Variants in OTUD7A observed in about 807,000 individuals in gnomAD.
The protein encoded by OTUD7A is OTU deubiquitinase 7A, also known as OTU domain-containing protein 7A.
OTUD7A carries 12 observed loss-of-function variants against 65.7 expected under a neutral mutation model. The observed-to-expected ratio is 0.18, with a 90% confidence interval of 0.12 to 0.30. OTUD7A has a LOEUF of 0.30. Among genes scored for constraint, OTUD7A ranks in the 10% least tolerant of loss-of-function variants. OTUD7A has a pLI of 1.00. For missense variants in OTUD7A, 1,148 were observed against 1,304.8 expected, an observed-to-expected ratio of 0.88 and a Z score of 1.85; for synonymous variants, 641 against 586.3, an observed-to-expected ratio of 1.09 and a Z score of -1.35.
chr15:31,630,392 T>G, intron 3 of OTUD7A, among the ~76,000 whole-genome samples: 1 of 152,194 alleles, frequency 6.6e-6, no homozygotes, highest in Admixed American at 6.5e-5. Context: ...TTCCATGTAG[T>G]TGAGTGGTTT....
chr15:31,687,591 T>G (rs1419503195), intron 1 of OTUD7A, among the ~76,000 whole-genome samples: 1 of 152,136 alleles, frequency 6.6e-6, no homozygotes, highest in Non-Finnish European at 1.5e-5. Flanking sequence ...TGAGGAGAAA[T>G]GTTTGCTCGC....
At chr15:31,515,687 GTCCATCCA>G (rs574581148) in intron 8 of OTUD7A, among the ~76,000 whole-genome samples, 4 of 130,834 alleles carry the variant, frequency 3.1e-5, no homozygotes, top group Non-Finnish European at 4.7e-5. Flanking sequence ...CCATCCACTT[GTCCATCCA>G]TCCATCCATC....
chr15:31,835,427 A>G (rs1392382272), intron 1 of OTUD7A, among the ~76,000 whole-genome samples: 3 of 152,206 alleles, frequency 2.0e-5, no homozygotes, highest in Non-Finnish European at 4.4e-5. Flanking sequence ...GACCTTCCAA[A>G]AACCATCTTT....
At chr15:31,645,730 C>A (rs1891642275) in intron 3 of OTUD7A, among the ~76,000 whole-genome samples, 1 of 152,204 alleles carries the variant, frequency 6.6e-6, no homozygotes, top group African/African-American at 2.4e-5. Context: ...TACATTATCA[C>A]TGTTTGACAG....
intron 1 of OTUD7A, among the ~76,000 whole-genome samples, chr15:31,802,229 C>T (rs182794596): frequency 6.6e-6 from 1 of 151,716 alleles, no homozygotes; most frequent in Admixed American, 6.6e-5. Flanking sequence ...GGCTGTGGGG[C>T]AAGGAGAGCC....
At chr15:31,813,197 G>A (rs557846734) in intron 1 of OTUD7A, among the ~76,000 whole-genome samples, 1 of 152,216 alleles carries the variant, frequency 6.6e-6, no homozygotes, top group Admixed American at 6.5e-5. Flanking sequence ...AGCACGTGCA[G>A]GTATACGCAT....
At position 31,481,455 on chromosome 15, in the gene OTUD7A, CTGAG is replaced by C. The variant is rs2041117953; in HGVS notation, c.*1835_*1838del. 1 of 152,174 alleles carries C rather than the reference CTGAG, an allele frequency of 6.6e-6. No homozygotes were observed. Among genetic ancestry groups the C allele is most frequent in the South Asian group, 2.1e-4 (1 of 4,828 alleles). 9.4% of individuals were successfully genotyped at this position (152,174 alleles called of 1,614,324 possible). On this transcript the variant is annotated 3_prime_UTR_variant, in exon 13 of 13. Transcript: ENST00000307050. ...ATTTTTAAAAAACCACTTTTGTTTT[CTGAG>C]TAATAAAAGAAACCCCAGTAATATT...
rs1026155430 is a variant in OTUD7A, at chr15:31,481,626, C to G, written c.*1668G>C. ...AGGAACCACTTATGCAAAACTTGAA[C>G]AAATTACTGAAAACTCCACCTGCTG... is the stretch of plus-strand genomic sequence containing the variant. On this transcript the variant is annotated 3_prime_UTR_variant, in exon 13 of 13. Coordinates refer to ENST00000307050, the MANE Select transcript of OTUD7A (RefSeq NM_001382637.1). The G allele has an allele frequency of 1.3e-5, 2 of 152,098 alleles. No individual in the cohort carries two copies. The highest frequency in any genetic ancestry group is 4.1e-4 in the South Asian group (2 of 4,832). 9.4% of individuals were successfully genotyped at this position (152,098 alleles called of 1,614,324 possible).
chr15:31,506,297 T>C (rs2041565873), intron 8 of OTUD7A, among the ~76,000 whole-genome samples: 1 of 152,166 alleles, frequency 6.6e-6, no homozygotes, highest in Non-Finnish European at 1.5e-5. Context: ...GCTATTTTTT[T>C]GATGGCGTTT....
At chr15:31,717,103 C>T (rs1474761782) in intron 1 of OTUD7A, among the ~76,000 whole-genome samples, 1 of 152,208 alleles carries the variant, frequency 6.6e-6, no homozygotes, top group African/African-American at 2.4e-5. Context: ...ATTCAGGTTT[C>T]ATCCATTGTC....
chr15:31,859,046 T>A (rs1292500557), intron 1 of OTUD7A, among the ~76,000 whole-genome samples: 1 of 152,218 alleles, frequency 6.6e-6, no homozygotes, highest in African/African-American at 2.4e-5. Context: ...ACAAAAGTAT[T>A]TTGCAAACTG....
intron 1 of OTUD7A, among the ~76,000 whole-genome samples, chr15:31,682,851 G>A (rs1282415675): frequency 6.6e-6 from 1 of 152,192 alleles, no homozygotes; most frequent in Non-Finnish European, 1.5e-5. Context: ...TTTATGTTGA[G>A]TGTGTGTGAA....
chr15:31,717,450 C>T (rs1893620740), intron 1 of OTUD7A, among the ~76,000 whole-genome samples: 1 of 152,098 alleles, frequency 6.6e-6, no homozygotes, highest in African/African-American at 2.4e-5. Flanking sequence ...TCCATGTGTT[C>T]TCATTGTTCA....
chr15:31,649,927 G>C (rs1263284122), intron 3 of OTUD7A: 1 of 182,590 alleles, frequency 5.5e-6, no homozygotes, highest in Non-Finnish European at 1.2e-5. Flanking sequence ...AGTCAATGCA[G>C]CTCCTAACCC....
intron 4 of OTUD7A, among the ~76,000 whole-genome samples, chr15:31,566,732 C>T (rs374348485): frequency 3.9e-4 from 59 of 152,278 alleles, no homozygotes; most frequent in East Asian, 2.1e-3. Context: ...TCAGTTCACA[C>T]GCAATCTGGT....
intron 1 of OTUD7A, among the ~76,000 whole-genome samples, chr15:31,820,388 T>C (rs553783361): frequency 2.0e-5 from 3 of 152,326 alleles, no homozygotes; most frequent in South Asian, 2.1e-4. Context: ...TTCCTTTAGG[T>C]TGAGATCATC....
At chr15:31,582,315 G>T (rs1889397687) in intron 3 of OTUD7A, among the ~76,000 whole-genome samples, 2 of 152,154 alleles carry the variant, frequency 1.3e-5, no homozygotes, top group South Asian at 4.1e-4. Flanking sequence ...ACATTTTCCT[G>T]TCTTCTTCTA....
chr15:31,493,775 T>G (rs1417906700), intron 10 of OTUD7A, among the ~76,000 whole-genome samples: 4 of 152,186 alleles, frequency 2.6e-5, no homozygotes, highest in Non-Finnish European at 4.4e-5. Context: ...AGAGGAAGTC[T>G]CATGGGAAAT....
intron 1 of OTUD7A, among the ~76,000 whole-genome samples, chr15:31,726,528 A>C (rs4779919): frequency 0.2 from 30,889 of 152,192 alleles, 3,581 homozygotes; most frequent in Admixed American, 0.28. Context: ...AGAAAATGTA[A>C]ACACTACGGA....
Sources: allele counts gnomAD v4.1 joint callset (sites outside exome capture counted in the v4.1 genomes callset), GRCh38; gene constraint gnomAD v4.1.1; transcripts MANE v1.5; gene names NCBI Gene and HGNC (gene_info 2026-07-23, HGNC 2026-07-21).